Variants in ACOXL observed in about 807,000 individuals in gnomAD.
The protein encoded by ACOXL is acyl-coenzyme A oxidase-like protein.
ACOXL carries 70 observed loss-of-function variants against 71.9 expected under a neutral mutation model. The observed-to-expected ratio is 0.97, with a 90% confidence interval of 0.80 to 1.19. The LOEUF is 1.19. ACOXL is among the 50% of genes most tolerant of loss of function. The probability of loss-of-function intolerance (pLI) is 0.00; values close to 1 mark genes in which losing one functional copy is unlikely to be tolerated. For synonymous variants in ACOXL, 253 were observed against 281.6 expected (o/e 0.90, Z 1.02); for missense variants, 703 against 736.3 (o/e 0.95, Z 0.52).
At chr2:110,829,792 A>G (rs1332093294) in intron 9 of ACOXL, among the ~76,000 whole-genome samples, 1 of 152,232 alleles carries the variant, frequency 6.6e-6, no homozygotes, top group East Asian at 1.9e-4. Context: ...TCAAATCTGA[A>G]GTAACCACCT....
chr2:110,982,122 G>A (rs552669286), intron 12 of ACOXL, among the ~76,000 whole-genome samples: 42 of 152,200 alleles, frequency 2.8e-4, no homozygotes, highest in African/African-American at 5.1e-4. Context: ...GTTCAAATCC[G>A]TGGTTTTTTG....
In ACOXL at chr2:111,117,665, C is replaced by T; in HGVS notation, c.1592C>T (p.Ser531Leu). Residue 531 changes from serine to leucine, a missense_variant, in exon 18 of 18, where the codon TCG (serine) becomes TTG (leucine). Transcript: ENST00000439055. ...AAGGATGATGCCCGGAGGGTGATCT[C>T]GACCTTTAACATTCCACACACCTAC... The part of the protein sequence containing the change: ...SVKDDARRVI[S>L]TFNIPHTYLH... The T allele has an allele frequency of 6.4e-7, 1 of 1,551,768 alleles. No homozygotes were observed. The highest frequency in any genetic ancestry group is 8.7e-7 in the Non-Finnish European group (1 of 1,147,014).
chr2:110,968,197 C>T, intron 12 of ACOXL: 1 of 1,097,210 alleles, frequency 9.1e-7, no homozygotes, highest in South Asian at 1.2e-5. Flanking sequence ...CTATGAAGGC[C>T]AAGTGTAGGT....
At chr2:111,112,762 C>T (rs1440009044) in intron 17 of ACOXL, among the ~76,000 whole-genome samples, 2 of 152,210 alleles carry the variant, frequency 1.3e-5, no homozygotes, top group Admixed American at 6.5e-5. Context: ...TCCAAAGCAG[C>T]AGGGAGGGGC....
At position 110,732,633 on chromosome 2, in the gene ACOXL, C is replaced by T; in HGVS notation, c.-164C>T. 1 of 153,238 alleles carries T rather than the reference C, an allele frequency of 6.5e-6. No individual in the cohort carries two copies. Among genetic ancestry groups the T allele is most frequent in the Non-Finnish European group, 1.5e-5 (1 of 68,546 alleles). 9.5% of individuals were successfully genotyped at this position (153,238 alleles called of 1,614,324 possible). ...CGGCCCTGCCAGCCACGCGGAGAAG[C>T]AGAGGCAGGTGAGCGCGATGCAGCC... On this transcript the variant is annotated 5_prime_UTR_variant, in exon 1 of 18. Coordinates refer to ENST00000439055, the MANE Select transcript of ACOXL (RefSeq NM_001142807.4).
chr2:110,756,860 A>T (rs993187517), intron 1 of ACOXL, among the ~76,000 whole-genome samples: 1 of 152,188 alleles, frequency 6.6e-6, no homozygotes, highest in African/African-American at 2.4e-5. Context: ...TCTTTTTAAA[A>T]AAAATTTTAC....
At chr2:110,763,117 G>A (rs1393952200) in intron 1 of ACOXL, among the ~76,000 whole-genome samples, 1 of 152,208 alleles carries the variant, frequency 6.6e-6, no homozygotes, top group Non-Finnish European at 1.5e-5. Context: ...GAAACTTAAT[G>A]TTGTTAAGAT....
At chr2:110,901,498 G>A (rs2149203206) in intron 10 of ACOXL, among the ~76,000 whole-genome samples, 1 of 152,240 alleles carries the variant, frequency 6.6e-6, no homozygotes, top group African/African-American at 2.4e-5. Flanking sequence ...AGGGTTGGGA[G>A]GAAAAGAGGT....
At chr2:110,880,140 ACT>A (rs1696441264) in intron 10 of ACOXL, among the ~76,000 whole-genome samples, 2 of 138,270 alleles carry the variant, frequency 1.4e-5, no homozygotes, top group South Asian at 4.8e-4. Flanking sequence ...ACAGAGTGAG[ACT>A]CTGTCACAAA....
At chr2:111,113,097 T>C (rs1326703822) in intron 17 of ACOXL, 2 of 152,072 alleles carry the variant, frequency 1.3e-5, no homozygotes, top group Non-Finnish European at 2.9e-5. Context: ...TCTGCCACAG[T>C]GGTGGAGGCA....
At chr2:110,882,435 A>G (rs1696778035) in intron 10 of ACOXL, among the ~76,000 whole-genome samples, 2 of 152,150 alleles carry the variant, frequency 1.3e-5, no homozygotes, top group Admixed American at 6.5e-5. Context: ...TGTTCTCTTA[A>G]TAGTGTTTTT....
At chr2:110,839,343 G>A (rs1049805414) in intron 9 of ACOXL, among the ~76,000 whole-genome samples, 2 of 152,216 alleles carry the variant, frequency 1.3e-5, no homozygotes, top group African/African-American at 2.4e-5. Context: ...TGTGAAATCT[G>A]TAAATTGCTC....
intron 1 of ACOXL, among the ~76,000 whole-genome samples, chr2:110,754,322 T>C (rs1679391837): frequency 1.3e-5 from 2 of 152,092 alleles, no homozygotes; most frequent in South Asian, 4.1e-4. Context: ...TTCTTGTGCC[T>C]CAGCCTCTCA....
At chr2:110,954,998 C>G (rs2061445934) in intron 12 of ACOXL, among the ~76,000 whole-genome samples, 1 of 151,960 alleles carries the variant, frequency 6.6e-6, no homozygotes, top group South Asian at 2.1e-4. Context: ...TCATGGCAAT[C>G]TGTTTTTTCT....
chr2:110,985,411 C>T (rs1352206140), intron 12 of ACOXL, among the ~76,000 whole-genome samples: 1 of 152,128 alleles, frequency 6.6e-6, no homozygotes, highest in Admixed American at 6.5e-5. Flanking sequence ...CATAACCTAT[C>T]TAGAGACGTA....
intron 14 of ACOXL, among the ~76,000 whole-genome samples, chr2:111,003,711 A>G (rs1257119156): frequency 1.3e-5 from 2 of 152,146 alleles, no homozygotes; most frequent in African/African-American, 4.8e-5. Context: ...AAAAAGCACT[A>G]AAAATTATAA....
intron 17 of ACOXL, among the ~76,000 whole-genome samples, chr2:111,104,625 C>T (rs1431379965): frequency 6.6e-6 from 1 of 152,162 alleles, no homozygotes; most frequent in Non-Finnish European, 1.5e-5. Context: ...TATTTGCCAT[C>T]TGTATGTTCT....
chr2:111,057,046 G>A (rs986874037), intron 16 of ACOXL, among the ~76,000 whole-genome samples: 6 of 152,176 alleles, frequency 3.9e-5, no homozygotes, highest in Non-Finnish European at 8.8e-5. Flanking sequence ...GCTAAGTGCC[G>A]AGAGCAAAGG....
chr2:111,002,105 G>C (rs1344892777), intron 14 of ACOXL, among the ~76,000 whole-genome samples: 1 of 152,092 alleles, frequency 6.6e-6, no homozygotes, highest in East Asian at 1.9e-4. Context: ...AATGCACTTG[G>C]AAGTGTTTCC....
Sources: gnomAD v4.1 joint callset for allele counts (sites outside exome capture counted in the v4.1 genomes callset) on GRCh38, gnomAD v4.1.1 for gene constraint, MANE v1.5 for transcripts, NCBI Gene and HGNC (gene_info 2026-07-23, HGNC 2026-07-21) for gene names.